The following NUP54 variants were observed in gnomAD, a reference collection of about 807,000 sequenced individuals.
The protein encoded by NUP54 is nucleoporin 54.
Under a neutral mutation model 66.4 loss-of-function variants are expected in NUP54, and 27 were observed. The ratio of observed to expected loss-of-function variants is 0.41; its 90% CI spans 0.30 to 0.56. The LOEUF is 0.56. Among genes scored for constraint, NUP54 ranks in the 20% least tolerant of loss-of-function variants. NUP54 has a pLI of 0.34. For missense variants in NUP54, 486 were observed against 596.3 expected, an observed-to-expected ratio of 0.82 and a Z score of 1.93; for synonymous variants, 206 against 210.7, an observed-to-expected ratio of 0.98 and a Z score of 0.19.
intron 8 of NUP54, among the ~76,000 whole-genome samples, chr4:76,128,537 A>C (rs1258647794): frequency 6.6e-6 from 1 of 152,242 alleles, no homozygotes; most frequent in African/African-American, 2.4e-5. Flanking sequence ...TCTCGCTTCA[A>C]ATATAACAAT....
chr4:76,117,808 C>T (rs1181578829), intron 10 of NUP54, 34 bp from the exon 11 acceptor site: 17 of 1,493,786 alleles, frequency 1.1e-5, no homozygotes, highest in East Asian at 4.5e-5. Flanking sequence ...TTACAACTGC[C>T]GACGAAGACT....
intron 3 of NUP54, among the ~76,000 whole-genome samples, chr4:76,143,426 A>G (rs35914862): frequency 0.13 from 19,973 of 152,130 alleles, 1,520 homozygotes; most frequent in East Asian, 0.35. Flanking sequence ...CAATATGGTA[A>G]AACTCCGTCT....
intron 3 of NUP54, among the ~76,000 whole-genome samples, chr4:76,136,621 T>C (rs1731050018): frequency 6.6e-6 from 1 of 152,016 alleles, no homozygotes; most frequent in African/African-American, 2.4e-5. Flanking sequence ...TCCTGGATTA[T>C]CAGGAGGGAC....
chr4:76,136,470 A>G, intron 3 of NUP54, 58 bp from the exon 4 acceptor site: 3 of 1,432,076 alleles, frequency 2.1e-6, no homozygotes, highest in Non-Finnish European at 2.9e-6. Flanking sequence ...CTTAATCCAG[A>G]TCCTAGGCGT....
At chr4:76,124,423 CA>C (rs1346827605) in intron 9 of NUP54, among the ~76,000 whole-genome samples, 4 of 152,172 alleles carry the variant, frequency 2.6e-5, no homozygotes, top group Non-Finnish European at 5.9e-5. Flanking sequence ...TGCTTTCCCT[CA>C]AACTGTCACT....
At chr4:76,124,826 T>A (rs1006493366) in intron 8 of NUP54, 70 bp from the exon 9 acceptor site, 26 of 602,966 alleles carry the variant, frequency 4.3e-5, no homozygotes, top group Non-Finnish European at 7.1e-5. Context: ...TACACCTGTA[T>A]GGAAATTCTA....
intron 11 of NUP54, among the ~76,000 whole-genome samples, chr4:76,116,494 C>T (rs1312791964): frequency 2.0e-5 from 3 of 152,128 alleles, no homozygotes; most frequent in African/African-American, 7.2e-5. Flanking sequence ...AACCAATCTG[C>T]ATTTATACTA....
In NUP54 at chr4:76,133,095, G is replaced by A. The variant is rs1250137672; in HGVS notation, c.711-376C>T. 5.3e-5 allele frequency among the ~76,000 whole-genome samples: 8 copies of A among 150,332 alleles called. No homozygotes were observed. In the East Asian group the frequency reaches 7.7e-4, roughly 15 times the overall value. On this transcript the variant is annotated intron_variant, in intron 5 of 11. Transcript: ENST00000264883. ...AAATTTTTTTGAGAGACGGACACTC[G>A]CTATGTTGCCTAGGCTAGTCTCAAA... is the stretch of plus-strand genomic sequence containing the variant.
intron 8 of NUP54, among the ~76,000 whole-genome samples, chr4:76,126,020 A>T (rs1730524827): frequency 6.6e-6 from 1 of 152,194 alleles, no homozygotes; most frequent in Non-Finnish European, 1.5e-5. Context: ...GATGATATCT[A>T]GGGGGTGTCT....
intron 3 of NUP54, 137 bp downstream of exon 3, chr4:76,144,012 G>C: frequency 1.1e-6 from 1 of 893,048 alleles, no homozygotes. Flanking sequence ...ATTTAAACAT[G>C]AAAAGTAACA....
chr4:76,144,509 CT>C, intron 1 of NUP54, 36 bp from the exon 2 acceptor site: 1 of 1,500,750 alleles, frequency 6.7e-7, no homozygotes, highest in South Asian at 1.3e-5. Flanking sequence ...AAGGAAGAAT[CT>C]TTTGTATATA....
intron 3 of NUP54, among the ~76,000 whole-genome samples, chr4:76,142,390 G>A (rs1216473651): frequency 6.6e-6 from 1 of 152,156 alleles, no homozygotes; most frequent in East Asian, 1.9e-4. Flanking sequence ...AATCTTCAGT[G>A]ACTGAGTAGG....
rs141616476 is a variant in NUP54 at position 76,131,233 on chromosome 4, T to C, written c.959A>G (p.Glu320Gly). The change falls in exon 7 of 12, where the codon GAA (glutamate) becomes GGA (glycine). Residue 320 changes from glutamate to glycine, a missense_variant. By Grantham distance (98) the Glu-to-Gly change is moderately conservative. Around this residue, in one of 4 missense-constraint regions of NUP54, gnomAD observed 217 missense variants for 247.9 expected, o/e 0.88. Transcript: ENST00000264883. ...EQAKVDNPDSEKLIPVPMVGF... is the reference protein window; with the variant it reads ...EQAKVDNPDSGKLIPVPMVGF... Reference sequence around the variant, plus strand: ...AACAAGATGAAGACATACTTACTTTTCAGAATCAGGGTTATCTACCTTGGC... The same window carrying C: ...AACAAGATGAAGACATACTTACTTTCCAGAATCAGGGTTATCTACCTTGGC... The C allele has an allele frequency of 6.3e-6, 10 of 1,584,460 alleles. No homozygotes were observed. In the African/African-American group the frequency reaches 1.4e-4, roughly 21 times the overall value.
intron 1 of NUP54, among the ~76,000 whole-genome samples, chr4:76,146,372 C>A (rs1404708540): frequency 6.6e-6 from 1 of 152,110 alleles, no homozygotes. Context: ...TTACCCAGTG[C>A]CAATTTTAAG....
rs1392477007 is a variant in NUP54, at chr4:76,130,760, G to A, written c.963-11C>T. 4 of 1,580,312 alleles carry A rather than the reference G, an allele frequency of 2.5e-6. No homozygotes were observed. Among genetic ancestry groups the A allele is most frequent in the Non-Finnish European group, 3.5e-6 (4 of 1,150,242 alleles). ...GGTACAGGAATTAACCTGAAGAAAC[G>A]CAGTGAACAATTTTCAGACCTTAAG... On this transcript the variant is annotated splice_polypyrimidine_tract_variant and intron_variant, in intron 7 of 11. Coordinates refer to ENST00000264883, the MANE Select transcript of NUP54 (RefSeq NM_017426.4).
chr4:76,131,303 ATT>A lies in NUP54; in HGVS notation c.908-21_908-20del. The A allele has an allele frequency of 1.3e-6, 2 of 1,518,146 alleles. No individual in the cohort carries two copies. The highest frequency in any genetic ancestry group is 1.8e-6 in the Non-Finnish European group (2 of 1,110,404). The allele number at this position is 1,518,146 out of a possible 1,614,324, so 94.0% of individuals were successfully genotyped here. A position where few individuals can be genotyped will look rare whatever the true frequency, so the allele number is the denominator to read the frequency against. ...TCAACACCTACCACAAATAAAAAAT[ATT>A]TTTTCTAAAACAATTTTCTATTTTT... is the stretch of plus-strand genomic sequence containing the variant. On this transcript the variant is annotated intron_variant, in intron 6 of 11. Transcript: ENST00000264883.
intron 8 of NUP54, among the ~76,000 whole-genome samples, chr4:76,128,396 G>A (rs1358094694): frequency 3.1e-4 from 38 of 120,698 alleles, no homozygotes; most frequent in South Asian, 5.5e-4. Flanking sequence ...AGGAAATGCT[G>A]AAAAAAAAAA....
In NUP54 at chr4:76,139,269, A is replaced by G. The variant is rs567833116; in HGVS notation, c.296-2857T>C. On this transcript the variant is annotated intron_variant, in intron 3 of 11. Coordinates refer to ENST00000264883, the MANE Select transcript of NUP54 (RefSeq NM_017426.4). The stretch of plus-strand genomic sequence containing the variant: ...AGTAAGATAAAGATACGCTGTCACC[A>G]TCTGAACCTACTGATCAATCTTAGC... 2.0e-5 allele frequency among the ~76,000 whole-genome samples: 3 copies of G among 152,330 alleles called. No individual in the cohort carries two copies. The South Asian group carries it at 6.2e-4, about 32-fold the overall frequency.
rs539826705 is a variant in NUP54, at chr4:76,136,345, C to T, written c.363G>A (p.Ala121=). The change falls in exon 4 of 12, where the codon GCG becomes GCA. Residue 121 remains alanine (A), a synonymous_variant. Coordinates refer to ENST00000264883, the MANE Select transcript of NUP54 (RefSeq NM_017426.4). The part of the protein sequence containing the change: ...PTQSNQLINT[A]SALSAPTLLG... ...ACAGCGTTGGAGCAGAAAGAGCACT[C>T]GCAGTATTTATCAGCTGGTTGGACT... is the stretch of plus-strand genomic sequence containing the variant. The T allele has an allele frequency of 1.5e-4, 236 of 1,614,068 alleles. 2 individuals carry two copies. In the South Asian group the frequency reaches 1.7e-3, roughly 12 times the overall value.
Sources: gnomAD v4.1 joint callset for allele counts (sites outside exome capture counted in the v4.1 genomes callset) on GRCh38, gnomAD v4.1.1 for gene constraint, gnomAD v4.1.1 regional missense constraint, MANE v1.5 for transcripts, NCBI Gene and HGNC (gene_info 2026-07-23, HGNC 2026-07-21) for gene names.